The following ANO4 variants were observed in gnomAD, a reference collection of about 807,000 sequenced individuals.
ANO4 encodes anoctamin-4.
ANO4 carries 69 observed loss-of-function variants against 141.9 expected under a neutral mutation model. That is an observed-to-expected ratio of 0.49 (90% CI 0.40 to 0.59). The LOEUF (loss-of-function observed/expected upper bound fraction) is 0.59, where lower values mean the gene tolerates loss of function less well. Ranked by LOEUF, ANO4 falls within the 20% of genes least tolerant of loss-of-function variation. ANO4 has a pLI of 0.00. For synonymous variants in ANO4, 350 were observed against 394.3 expected (o/e 0.89, Z 1.33); for missense variants, 894 against 1,162.2 (o/e 0.77, Z 3.36).
chr12:100,982,522 G>A (rs12810371), intron 7 of ANO4, among the ~76,000 whole-genome samples: 29,819 of 152,204 alleles, frequency 0.2, 3,609 homozygotes, highest in Middle Eastern at 0.38. Flanking sequence ...TGGGAAAAGA[G>A]CAATCTATGT....
intron 25 of ANO4, among the ~76,000 whole-genome samples, chr12:101,120,291 T>G (rs1242323809): frequency 6.6e-6 from 1 of 152,112 alleles, no homozygotes. Context: ...TGAGCTGAGA[T>G]CAGGCAGGTG....
At chr12:100,767,125 G>C (rs182469467) in intron 3 of ANO4, among the ~76,000 whole-genome samples, 1 of 152,080 alleles carries the variant, frequency 6.6e-6, no homozygotes, top group Admixed American at 6.5e-5. Context: ...GCAGCATATA[G>C]GTATATTTTT....
chr12:100,843,629 A>G (rs916065544), intron 1 of ANO4, among the ~76,000 whole-genome samples: 2 of 152,212 alleles, frequency 1.3e-5, no homozygotes. Context: ...ACATGACCAC[A>G]TAAAATCCTG....
intron 1 of ANO4, among the ~76,000 whole-genome samples, chr12:100,827,482 C>T (rs910805151): frequency 1.1e-4 from 17 of 151,878 alleles, no homozygotes; most frequent in African/African-American, 3.9e-4. Context: ...TTTTTTATCC[C>T]TCTAAGATGT....
intron 1 of ANO4, among the ~76,000 whole-genome samples, chr12:100,881,693 G>T (rs916796700): frequency 6.6e-6 from 1 of 152,184 alleles, no homozygotes; most frequent in South Asian, 2.1e-4. Flanking sequence ...TGGAGCAGAC[G>T]ATCAGTGAGC....
At chr12:101,121,188 GT>G (rs2051076793) in intron 26 of ANO4, among the ~76,000 whole-genome samples, 1 of 152,126 alleles carries the variant, frequency 6.6e-6, no homozygotes, top group Non-Finnish European at 1.5e-5. Context: ...AGCGAGCATA[GT>G]ATTCAATAGG....
At chr12:100,723,274 T>C (rs2030948683) in intron 1 of ANO4, among the ~76,000 whole-genome samples, 1 of 152,170 alleles carries the variant, frequency 6.6e-6, no homozygotes, top group Non-Finnish European at 1.5e-5. Flanking sequence ...AATGCCAAAG[T>C]CTGGGTGGCT....
chr12:100,728,086 AATT>A (rs34646545), intron 1 of ANO4, among the ~76,000 whole-genome samples: 50,323 of 151,818 alleles, frequency 0.33, 8,454 homozygotes, highest in Non-Finnish European at 0.35. Context: ...TAGACATTAA[AATT>A]ATTATTTTAT....
chr12:100,894,698 G>A (rs936724696), intron 1 of ANO4, among the ~76,000 whole-genome samples: 4 of 152,040 alleles, frequency 2.6e-5, no homozygotes, highest in African/African-American at 9.7e-5. Context: ...AATAAGAGAG[G>A]ATATTAGAAA....
intron 14 of ANO4, among the ~76,000 whole-genome samples, chr12:101,073,999 G>A (rs1266282019): frequency 2.0e-5 from 3 of 152,082 alleles, no homozygotes; most frequent in Non-Finnish European, 1.5e-5. Context: ...ACAATTAATC[G>A]AGTGTCAGAT....
intron 2 of ANO4, among the ~76,000 whole-genome samples, chr12:100,735,078 T>C (rs551759992): frequency 4.6e-5 from 7 of 152,318 alleles, no homozygotes; most frequent in Non-Finnish European, 8.8e-5. Context: ...TCTGCATTGC[T>C]GCCACCTTTC....
intron 3 of ANO4, among the ~76,000 whole-genome samples, chr12:100,757,856 G>GT (rs2032681615): frequency 6.6e-6 from 1 of 152,168 alleles, no homozygotes; most frequent in African/African-American, 2.4e-5. Flanking sequence ...TTCTGTAGGA[G>GT]TTTTTCCTCC....
Position 101,107,451 on chromosome 12 carries a change from G to A in ANO4, c.2150-2953G>A, listed in dbSNP as rs567026958. ...TGAGCAGAGTTGTGGCAGCTACAGA[G>A]GAGGTAGTAGTTAATTACAATTATG... On this transcript the variant is annotated intron_variant, in intron 22 of 27. Coordinates refer to ENST00000392977, the MANE Select transcript of ANO4 (RefSeq NM_001286615.2). Among the ~76,000 whole-genome samples the A allele has an allele frequency of 2.4e-4, 37 of 152,280 alleles. 1 individual carries two copies. Among genetic ancestry groups the A allele is most frequent in the African/African-American group, 8.4e-4 (35 of 41,552 alleles).
At chr12:101,014,300 G>A (rs1331452362) in intron 8 of ANO4, among the ~76,000 whole-genome samples, 2 of 152,122 alleles carry the variant, frequency 1.3e-5, no homozygotes, top group African/African-American at 4.8e-5. Flanking sequence ...ACCCGATTGC[G>A]CAGCGTATTT....
At chr12:100,987,129 A>G (rs138694193) in intron 7 of ANO4, 1 of 162,528 alleles carries the variant, frequency 6.2e-6, no homozygotes, top group Admixed American at 5.8e-5. Context: ...TTACAGCTAG[A>G]GCTCTTCTCT....
At chr12:100,900,825 T>A (rs1487143070) in intron 1 of ANO4, among the ~76,000 whole-genome samples, 1 of 152,234 alleles carries the variant, frequency 6.6e-6, no homozygotes, top group Non-Finnish European at 1.5e-5. Context: ...AAATGGCTAG[T>A]AAAGGCAGGA....
At chr12:100,811,575 A>G (rs1045588010) in intron 1 of ANO4, among the ~76,000 whole-genome samples, 1 of 152,154 alleles carries the variant, frequency 6.6e-6, no homozygotes, top group Non-Finnish European at 1.5e-5. Context: ...AACCATACCC[A>G]CAGTCTGCGC....
chr12:101,051,205 C>T (rs1026845487), intron 14 of ANO4, among the ~76,000 whole-genome samples: 3 of 152,082 alleles, frequency 2.0e-5, no homozygotes, highest in Non-Finnish European at 4.4e-5. Context: ...TTGTTTTATC[C>T]CCTTGCCAAC....
chr12:100,986,301 T>C (rs140329688), intron 7 of ANO4, among the ~76,000 whole-genome samples: 6 of 152,218 alleles, frequency 3.9e-5, no homozygotes, highest in Non-Finnish European at 2.9e-5. Context: ...GCCTGAGAAC[T>C]AGGAAGGCCA....
Sources: allele counts gnomAD v4.1 joint callset (sites outside exome capture counted in the v4.1 genomes callset), GRCh38; gene constraint gnomAD v4.1.1; transcripts MANE v1.5; gene names NCBI Gene and HGNC (gene_info 2026-07-23, HGNC 2026-07-21).